Variants in NELL1 observed in about 807,000 individuals in gnomAD.
NELL1 encodes the protein neural EGFL like 1, also known as protein kinase C-binding protein NELL1.
Under a neutral mutation model 107.4 loss-of-function variants are expected in NELL1, and 76 were observed. The observed-to-expected ratio is 0.71, with a 90% confidence interval of 0.59 to 0.86. The LOEUF (loss-of-function observed/expected upper bound fraction) is 0.86, where lower values mean the gene tolerates loss of function less well. Among genes scored for constraint, NELL1 ranks in the 40% least tolerant of loss-of-function variants. The pLI is 0.00. For missense variants in NELL1, 1,024 were observed against 1,005.5 expected (o/e 1.02, Z -0.25); for synonymous variants, 353 against 341.2 (o/e 1.03, Z -0.38).
At chr11:21,049,630 AG>A (rs1323812885) in intron 12 of NELL1, among the ~76,000 whole-genome samples, 3 of 152,114 alleles carry the variant, frequency 2.0e-5, no homozygotes, top group African/African-American at 7.2e-5. Context: ...CCACTGCCAT[AG>A]GGTGTATCTT....
intron 12 of NELL1, among the ~76,000 whole-genome samples, chr11:21,008,139 T>G (rs1852369975): frequency 6.6e-6 from 1 of 152,178 alleles, no homozygotes; most frequent in Non-Finnish European, 1.5e-5. Flanking sequence ...ATTATATCTC[T>G]GAATCCCCAA....
chr11:21,486,860 C>T (rs1854646474), intron 15 of NELL1, among the ~76,000 whole-genome samples: 1 of 151,740 alleles, frequency 6.6e-6, no homozygotes, highest in African/African-American at 2.4e-5. Flanking sequence ...TAGTCTAGAT[C>T]AAGCAGAAGA....
chr11:21,039,387 T>A (rs978437400), intron 12 of NELL1, among the ~76,000 whole-genome samples: 3 of 152,150 alleles, frequency 2.0e-5, no homozygotes, highest in Non-Finnish European at 4.4e-5. Flanking sequence ...GGTTTCACCA[T>A]GTTGGCTAGG....
At chr11:21,510,011 T>C (rs765240578) in intron 15 of NELL1, among the ~76,000 whole-genome samples, 1 of 152,174 alleles carries the variant, frequency 6.6e-6, no homozygotes, top group African/African-American at 2.4e-5. Flanking sequence ...TGCATGTACA[T>C]GGTGATAACC....
intron 2 of NELL1, among the ~76,000 whole-genome samples, chr11:20,724,798 AC>A (rs1453690821): frequency 2.0e-5 from 3 of 151,916 alleles, no homozygotes; most frequent in Admixed American, 6.6e-5. Context: ...GCAGTACCCC[AC>A]TCTGCCGGTA....
chr11:21,165,853 C>T (rs1856469226), intron 13 of NELL1, among the ~76,000 whole-genome samples: 1 of 149,490 alleles, frequency 6.7e-6, no homozygotes, highest in Non-Finnish European at 1.5e-5. Flanking sequence ...ACCTCTGCCT[C>T]CTGGGTTCAA....
rs372159723 is a variant in NELL1, at chr11:21,396,013, A to G, written c.1645+25065A>G. Among the ~76,000 whole-genome samples, 264 of 151,738 alleles carry G rather than the reference A, an allele frequency of 1.7e-3. 8 individuals are homozygous for G. In the South Asian group the frequency reaches 0.052, roughly 30 times the overall value. On this transcript the variant is annotated intron_variant, in intron 15 of 19. Coordinates refer to ENST00000357134, the MANE Select transcript of NELL1 (RefSeq NM_006157.5). ...TGTCAATACCTTCTTCAATTCCAGT[A>G]GCAAGTGGTTGCAACTTCTGGCTGA...
chr11:21,025,082 T>A (rs1367830403), intron 12 of NELL1, among the ~76,000 whole-genome samples: 2 of 152,178 alleles, frequency 1.3e-5, no homozygotes, highest in African/African-American at 4.8e-5. Context: ...GTCTGTATAA[T>A]GTTTTTTGAA....
intron 14 of NELL1, among the ~76,000 whole-genome samples, chr11:21,309,908 A>C (rs1849712263): frequency 6.6e-6 from 1 of 152,102 alleles, no homozygotes; most frequent in African/African-American, 2.4e-5. Context: ...TTACAATTCA[A>C]GGTGAGATTT....
chr11:21,409,798 C>T (rs1425409382), intron 15 of NELL1, among the ~76,000 whole-genome samples: 6 of 151,556 alleles, frequency 4.0e-5, no homozygotes, highest in Non-Finnish European at 7.4e-5. Flanking sequence ...TGCAATCTGT[C>T]GCCTTCTTAC....
At chr11:20,825,767 G>T (rs906490810) in intron 3 of NELL1, among the ~76,000 whole-genome samples, 6 of 151,234 alleles carry the variant, frequency 4.0e-5, no homozygotes, top group African/African-American at 7.3e-5. Context: ...GCTGAAATAA[G>T]TTAAGACTTT....
intron 2 of NELL1, among the ~76,000 whole-genome samples, chr11:20,758,622 G>C (rs1215850900): frequency 6.6e-6 from 1 of 152,194 alleles, no homozygotes; most frequent in African/African-American, 2.4e-5. Flanking sequence ...AAAGTAGTGG[G>C]AAGATGGTTA....
chr11:21,252,842 C>T (rs1409589303), intron 14 of NELL1, among the ~76,000 whole-genome samples: 1 of 152,144 alleles, frequency 6.6e-6, no homozygotes. Flanking sequence ...TCGAAGGCAG[C>T]TTTCTATTAC....
chr11:21,498,333 TTATA>T (rs34418018), intron 15 of NELL1, among the ~76,000 whole-genome samples: 1 of 113,720 alleles, frequency 8.8e-6, no homozygotes. Context: ...CATAAACATA[TTATA>T]TATATATATA....
At chr11:20,826,850 C>A (rs114726227) in intron 3 of NELL1, among the ~76,000 whole-genome samples, 1 of 151,012 alleles carries the variant, frequency 6.6e-6, no homozygotes, top group Admixed American at 6.7e-5. Context: ...ACAGACTGGA[C>A]GTCAGTAGAG....
chr11:20,814,058 C>T (rs571174329), intron 3 of NELL1, among the ~76,000 whole-genome samples: 16 of 151,746 alleles, frequency 1.1e-4, no homozygotes, highest in East Asian at 3.9e-4. Context: ...TGCAGTGGTG[C>T]GATCTCGGCT....
chr11:20,732,714 A>G (rs1564884825), intron 2 of NELL1, among the ~76,000 whole-genome samples: 1 of 152,108 alleles, frequency 6.6e-6, no homozygotes, highest in Non-Finnish European at 1.5e-5. Flanking sequence ...ATGAGTAATG[A>G]GTTCATGTGG....
chr11:20,692,460 T>C (rs1429856439), intron 2 of NELL1, among the ~76,000 whole-genome samples: 7 of 151,948 alleles, frequency 4.6e-5, no homozygotes, highest in African/African-American at 9.7e-5. Flanking sequence ...GCTTTGAATG[T>C]GTCCCAGAGA....
At chr11:21,241,611 T>C (rs1248952446) in intron 14 of NELL1, among the ~76,000 whole-genome samples, 1 of 152,100 alleles carries the variant, frequency 6.6e-6, no homozygotes, top group Non-Finnish European at 1.5e-5. Flanking sequence ...AGTGTCAGCA[T>C]AATTTGGGGG....
Sources: allele counts gnomAD v4.1 joint callset (sites outside exome capture counted in the v4.1 genomes callset), GRCh38; gene constraint gnomAD v4.1.1; transcripts MANE v1.5; gene names NCBI Gene and HGNC (gene_info 2026-07-23, HGNC 2026-07-21).